The following CRACD variants were observed in gnomAD, a reference collection of about 807,000 sequenced individuals.
The protein encoded by CRACD is capping protein inhibiting regulator of actin dynamics, also known as capping protein-inhibiting regulator of actin dynamics.
A neutral mutation model predicts 106.8 loss-of-function variants in CRACD; 56 were observed. The observed-to-expected ratio is 0.52, with a 90% confidence interval of 0.42 to 0.66. The LOEUF (loss-of-function observed/expected upper bound fraction) is 0.66, where lower values mean the gene tolerates loss of function less well. CRACD is among the 30% of genes least tolerant of loss of function. The pLI, the probability that CRACD is intolerant of heterozygous loss-of-function variation, is 0.00. For missense variants in CRACD, 1,730 were observed against 1,623.2 expected, an observed-to-expected ratio of 1.07 and a Z score of -1.13; for synonymous variants, 754 against 670.8, an observed-to-expected ratio of 1.12 and a Z score of -1.92.
Position 56,307,650 on chromosome 4 carries a change from T to A in CRACD, c.236T>A (p.Met79Lys), listed in dbSNP as rs375684843. 5.6e-6 allele frequency: 9 copies of A among 1,613,962 alleles called. No homozygotes were observed. Among genetic ancestry groups the A allele is most frequent in the Non-Finnish European group, 7.6e-6 (9 of 1,180,002 alleles). ...GAGGATCTGTTCCTGACCAGTCCCA[T>A]GGAAATTGTGACTCAGCAGGACATC... ...LEEDLFLTSP[M>K]EIVTQQDIVL... The change falls in exon 5 of 11, where the codon ATG (methionine) becomes AAG (lysine). Residue 79 changes from methionine (M) to lysine (K), a missense_variant. Physicochemically the swap from Met to Lys is moderately conservative, Grantham distance 95. Coordinates refer to ENST00000682029, the MANE Select transcript of CRACD (RefSeq NM_001393381.1).
At chr4:56,243,948 G>C (rs1325219714) in intron 2 of CRACD, among the ~76,000 whole-genome samples, 1 of 151,998 alleles carries the variant, frequency 6.6e-6, no homozygotes, top group Non-Finnish European at 1.5e-5. Context: ...CTGGCCTCTG[G>C]AACCATGCTT....
chr4:56,056,193 A>C (rs901995421), intron 1 of CRACD, among the ~76,000 whole-genome samples: 3 of 152,234 alleles, frequency 2.0e-5, no homozygotes, highest in Non-Finnish European at 4.4e-5. Context: ...TGCTAAAAGC[A>C]GTAGATCAAA....
chr4:56,155,176 T>C (rs1285286844), intron 1 of CRACD, among the ~76,000 whole-genome samples: 2 of 152,094 alleles, frequency 1.3e-5, no homozygotes, highest in African/African-American at 4.8e-5. Context: ...AGTCTTTTCA[T>C]TTCAAGATCC....
intron 1 of CRACD, among the ~76,000 whole-genome samples, chr4:56,112,378 C>A (rs1332891355): frequency 6.6e-6 from 1 of 152,004 alleles, no homozygotes; most frequent in Non-Finnish European, 1.5e-5. Context: ...TTGTTCTGAC[C>A]CAGAAAGGTG....
intron 2 of CRACD, among the ~76,000 whole-genome samples, chr4:56,197,147 T>A (rs190372514): frequency 3.2e-4 from 49 of 152,280 alleles, no homozygotes; most frequent in African/African-American, 1.2e-3. Context: ...TTTTTATTAG[T>A]AGTGATCAGA....
chr4:56,164,632 C>T (rs545897230), intron 1 of CRACD, among the ~76,000 whole-genome samples: 57 of 152,150 alleles, frequency 3.7e-4, no homozygotes, highest in Middle Eastern at 3.4e-3. Context: ...GAAATCAGAT[C>T]AGTGGGTACC....
intron 1 of CRACD, among the ~76,000 whole-genome samples, chr4:56,144,967 T>C (rs995990879): frequency 2.0e-5 from 3 of 152,310 alleles, no homozygotes; most frequent in Non-Finnish European, 4.4e-5. Context: ...TTTGTGTTTT[T>C]AGTAGAGATT....
intron 1 of CRACD, among the ~76,000 whole-genome samples, chr4:56,152,079 G>A (rs1735600980): frequency 6.7e-6 from 1 of 149,826 alleles, no homozygotes; most frequent in South Asian, 2.1e-4. Flanking sequence ...GTGCGGTCTC[G>A]GCTCACTGCC....
At chr4:56,273,372 C>T (rs1164958181) in intron 3 of CRACD, among the ~76,000 whole-genome samples, 2 of 146,238 alleles carry the variant, frequency 1.4e-5, no homozygotes, top group Non-Finnish European at 3.0e-5. Flanking sequence ...TCGTTTCTTC[C>T]TTCCCTCCCT....
chr4:56,179,935 T>A (rs6844662), intron 2 of CRACD, among the ~76,000 whole-genome samples: 46,134 of 151,618 alleles, frequency 0.3, 7,148 homozygotes, highest in South Asian at 0.35. Flanking sequence ...GAGAATCGCT[T>A]GAACTCAGGA....
intron 2 of CRACD, among the ~76,000 whole-genome samples, chr4:56,246,067 G>T (rs1740662752): frequency 6.6e-6 from 1 of 152,144 alleles, no homozygotes; most frequent in African/African-American, 2.4e-5. Flanking sequence ...AGCCTGAAGG[G>T]TACCTAAGGC....
At chr4:56,262,510 T>G (rs1741765462) in intron 2 of CRACD, among the ~76,000 whole-genome samples, 1 of 140,830 alleles carries the variant, frequency 7.1e-6, no homozygotes, top group Non-Finnish European at 1.6e-5. Flanking sequence ...TTATGAGATT[T>G]TTTTGTGATT....
At chr4:56,133,928 G>A (rs892844193) in intron 1 of CRACD, among the ~76,000 whole-genome samples, 3 of 152,106 alleles carry the variant, frequency 2.0e-5, no homozygotes, top group Admixed American at 6.5e-5. Context: ...TTGGCGGGGC[G>A]GGGTGGCTCA....
rs61498428 is a variant in CRACD at position 56,286,525 on chromosome 4, C to CAAAAAA, written c.-16-11672_-16-11667dup. Among the ~76,000 whole-genome samples, 18 of 89,372 alleles carry CAAAAAA rather than the reference C, an allele frequency of 2.0e-4. 1 individual carries two copies. Among genetic ancestry groups the CAAAAAA allele is most frequent in the South Asian group, 4.0e-4 (1 of 2,472 alleles). 58.6% of individuals were successfully genotyped at this position (89,372 alleles called of 152,430 possible). A position where few individuals can be genotyped will look rare whatever the true frequency, so the allele number is the denominator to read the frequency against. On this transcript the variant is annotated intron_variant, in intron 3 of 10. Coordinates refer to ENST00000682029, the MANE Select transcript of CRACD (RefSeq NM_001393381.1). Reference sequence around the variant, plus strand: ...TGGGCGACAGAGCGAGACTCCGTCTCAAAAAAAAAAAAAAAAAAAAAAGAT... The same window carrying CAAAAAA: ...TGGGCGACAGAGCGAGACTCCGTCTCAAAAAAAAAAAAAAAAAAAAAAAAAAAAGAT...
chr4:56,091,406 C>A (rs1454526945), intron 1 of CRACD, among the ~76,000 whole-genome samples: 2 of 151,308 alleles, frequency 1.3e-5, no homozygotes, highest in African/African-American at 4.9e-5. Context: ...AACAGGGGGA[C>A]CTCACCTAAA....
At chr4:56,073,499 A>T (rs1267742150) in intron 1 of CRACD, among the ~76,000 whole-genome samples, 1 of 152,192 alleles carries the variant, frequency 6.6e-6, no homozygotes, top group African/African-American at 2.4e-5. Context: ...CATTGTGCAG[A>T]TAAGGAAACG....
intron 3 of CRACD, among the ~76,000 whole-genome samples, chr4:56,297,112 T>G (rs1270515381): frequency 6.6e-6 from 1 of 152,056 alleles, no homozygotes. Context: ...TTTTGTTTTT[T>G]TGGTATTTTT....
chr4:56,287,332 G>T (rs1166294730), intron 3 of CRACD, among the ~76,000 whole-genome samples: 1 of 151,688 alleles, frequency 6.6e-6, no homozygotes, highest in Non-Finnish European at 1.5e-5. Flanking sequence ...ACCCAGGCTG[G>T]AGTGCAGTGG....
intron 10 of CRACD, 139 bp from the exon 11 acceptor site, chr4:56,327,505 A>T: frequency 2.9e-6 from 2 of 700,314 alleles, no homozygotes; most frequent in Non-Finnish European, 4.8e-6. Flanking sequence ...CACAATGTAT[A>T]CATATTTCAA....
Sources: allele counts gnomAD v4.1 joint callset (sites outside exome capture counted in the v4.1 genomes callset), GRCh38; gene constraint gnomAD v4.1.1; transcripts MANE v1.5; gene names NCBI Gene and HGNC (gene_info 2026-07-23, HGNC 2026-07-21).